MDFIC2: variants seen among roughly 807,000 people sequenced by gnomAD.
MDFIC2 encodes the protein myoD family inhibitor domain-containing protein 2.
At chr3:70,306,049 C>A (rs1702396862) in intron 2 of MDFIC2, among the ~76,000 whole-genome samples, 1 of 152,126 alleles carries the variant, frequency 6.6e-6, no homozygotes, top group South Asian at 2.1e-4. Context: ...TCTATGTCAA[C>A]ACTAAATAAG....
chr3:70,275,150 T>C (rs1702010992), intron 2 of MDFIC2, among the ~76,000 whole-genome samples: 1 of 152,202 alleles, frequency 6.6e-6, no homozygotes, highest in Non-Finnish European at 1.5e-5. Context: ...AATATTAGAA[T>C]TTTAACTTAT....
At chr3:70,281,450 G>A (rs1418922707) in intron 2 of MDFIC2, among the ~76,000 whole-genome samples, 3 of 152,096 alleles carry the variant, frequency 2.0e-5, no homozygotes, top group Admixed American at 2.0e-4. Context: ...GCAAGTAATC[G>A]TGAACAGGCC....
At chr3:70,297,281 C>T (rs2106698612) in intron 2 of MDFIC2, among the ~76,000 whole-genome samples, 1 of 151,986 alleles carries the variant, frequency 6.6e-6, no homozygotes, top group South Asian at 2.1e-4. Flanking sequence ...ATCAAAGAGC[C>T]TATCTGTTTA....
intron 3 of MDFIC2, among the ~76,000 whole-genome samples, 184 bp downstream of exon 3, chr3:70,206,385 T>A (rs1701290998): frequency 6.6e-6 from 1 of 152,088 alleles, no homozygotes; most frequent in Admixed American, 6.6e-5. Flanking sequence ...GCAAACAATC[T>A]GCCAAGCGCC....
chr3:70,276,875 G>T (rs1464548632), intron 2 of MDFIC2, among the ~76,000 whole-genome samples: 4 of 152,104 alleles, frequency 2.6e-5, no homozygotes, highest in African/African-American at 9.7e-5. Context: ...TTGTAGTTTT[G>T]TCAAATTACA....
At chr3:70,308,171 C>T (rs1702420552) in intron 2 of MDFIC2, among the ~76,000 whole-genome samples, 1 of 152,162 alleles carries the variant, frequency 6.6e-6, no homozygotes, top group South Asian at 2.1e-4. Context: ...TGGCCTCAGT[C>T]TGTCTAGTAG....
At chr3:70,210,315 T>C (rs930441047) in intron 2 of MDFIC2, among the ~76,000 whole-genome samples, 1 of 152,126 alleles carries the variant, frequency 6.6e-6, no homozygotes, top group African/African-American at 2.4e-5. Flanking sequence ...TTATTTTAAT[T>C]CTATATCTCT....
chr3:70,273,899 C>A (rs967681292), intron 2 of MDFIC2, among the ~76,000 whole-genome samples: 3 of 152,100 alleles, frequency 2.0e-5, no homozygotes, highest in African/African-American at 4.8e-5. Context: ...AACTCCTAGG[C>A]TCAAGTCATT....
intron 2 of MDFIC2, among the ~76,000 whole-genome samples, chr3:70,219,083 A>C (rs995694845): frequency 8.5e-5 from 13 of 152,182 alleles, no homozygotes; most frequent in Non-Finnish European, 1.9e-4. Flanking sequence ...AACACCAAAT[A>C]GTCATTATAG....
intron 2 of MDFIC2, among the ~76,000 whole-genome samples, chr3:70,214,228 T>C (rs1701382927): frequency 6.6e-6 from 1 of 152,108 alleles, no homozygotes; most frequent in South Asian, 2.1e-4. Context: ...TTTCTTTAAT[T>C]TTCAAATGGC....
intron 2 of MDFIC2, among the ~76,000 whole-genome samples, chr3:70,273,088 T>C (rs1701989392): frequency 6.6e-6 from 1 of 152,136 alleles, no homozygotes; most frequent in Non-Finnish European, 1.5e-5. Context: ...TGACCCAAGT[T>C]TTGTCTGGGA....
intron 2 of MDFIC2, among the ~76,000 whole-genome samples, chr3:70,237,654 A>G (rs1701623161): frequency 6.6e-6 from 1 of 152,206 alleles, no homozygotes; most frequent in Non-Finnish European, 1.5e-5. Flanking sequence ...TGTATTGCCT[A>G]AATAGGGAAA....
intron 3 of MDFIC2, chr3:70,205,834 T>C (rs550390455): frequency 6.6e-6 from 1 of 152,246 alleles, no homozygotes; most frequent in Non-Finnish European, 1.5e-5. Context: ...CTTTAAATGC[T>C]AATGTAGATA....
At chr3:70,259,998 C>G (rs567992083) in intron 2 of MDFIC2, among the ~76,000 whole-genome samples, 1 of 152,114 alleles carries the variant, frequency 6.6e-6, no homozygotes, top group Non-Finnish European at 1.5e-5. Flanking sequence ...ACGAGAACAG[C>G]GTGATCCAAT....
chr3:70,309,711 A>C (rs1702438647), intron 2 of MDFIC2, among the ~76,000 whole-genome samples: 1 of 152,200 alleles, frequency 6.6e-6, no homozygotes, highest in Non-Finnish European at 1.5e-5. Context: ...TTTGAAAACT[A>C]ACTCATCCTG....
rs1219855252 is a variant in MDFIC2 at position 70,195,113 on chromosome 3, G to T, written c.*1813C>A. Among the ~76,000 whole-genome samples the T allele has an allele frequency of 6.6e-6, 1 of 152,114 alleles. No homozygotes were observed. The highest frequency in any genetic ancestry group is 1.9e-4 in the East Asian group (1 of 5,192). Reference sequence around the variant, plus strand: ...TGACACTGCCAATAATTCACTGTGTGGTCTTGAATAAGTCAGTTCATGGGG... The same window carrying T: ...TGACACTGCCAATAATTCACTGTGTTGTCTTGAATAAGTCAGTTCATGGGG... On this transcript the variant is annotated 3_prime_UTR_variant, in exon 4 of 4. Transcript: ENST00000567252.
intron 2 of MDFIC2, among the ~76,000 whole-genome samples, chr3:70,230,404 G>T (rs567112067): frequency 1.3e-5 from 2 of 152,138 alleles, no homozygotes; most frequent in South Asian, 4.2e-4. Flanking sequence ...TTTGAGGGCT[G>T]GTGTCAAACG....
chr3:70,252,859 C>T (rs957483359), intron 2 of MDFIC2, among the ~76,000 whole-genome samples: 16 of 151,962 alleles, frequency 1.1e-4, no homozygotes, highest in Admixed American at 2.0e-4. Flanking sequence ...GCAGGCAGAT[C>T]ACCTGAGGTC....
intron 2 of MDFIC2, among the ~76,000 whole-genome samples, chr3:70,275,363 A>G (rs964770762): frequency 3.0e-4 from 46 of 152,006 alleles, no homozygotes; most frequent in African/African-American, 1.1e-3. Context: ...AAAAAGAAAA[A>G]AATTAGTTGG....
Sources: gnomAD v4.1 joint callset for allele counts (sites outside exome capture counted in the v4.1 genomes callset) on GRCh38, gnomAD v4.1.1 for gene constraint, MANE v1.5 for transcripts, NCBI Gene and HGNC (gene_info 2026-07-23, HGNC 2026-07-21) for gene names.